The following ZNF66 variants were observed in gnomAD, a reference collection of about 807,000 sequenced individuals.
The protein encoded by ZNF66 is zinc finger protein 66, also known as putative zinc finger protein 66.
In ZNF66, 32 loss-of-function variants were observed where a neutral mutation model predicts 35.2. The observed-to-expected ratio is 0.91, with a 90% CI of 0.69 to 1.22. ZNF66 has a LOEUF of 1.22. Ranked by LOEUF, ZNF66 falls within the 50% of genes most tolerant of loss-of-function variation. The pLI is 0.00. For missense variants in ZNF66, 666 were observed against 543.1 expected (o/e 1.23, Z -2.25); for synonymous variants, 231 against 181.3 (o/e 1.27, Z -2.20).
At position 20,805,995 on chromosome 19, in the gene ZNF66, G is replaced by T. The variant is rs764611883; in HGVS notation, c.395G>T (p.Gly132Val). Reference sequence around the variant, plus strand: ...AAAGTGCACAAAAGAGGTTATAATGGACTTAACCAATGTTTGACAACTACC... The same window carrying T: ...AAAGTGCACAAAAGAGGTTATAATGTACTTAACCAATGTTTGACAACTACC... The part of the protein sequence containing the change: ...KCKVHKRGYN[G>V]LNQCLTTTQS... The change falls in exon 4 of 4, where the codon GGA (glycine) becomes GTA (valine). Residue 132 changes from glycine to valine, a missense_variant. Coordinates refer to ENST00000344519, the MANE Select transcript of ZNF66 (RefSeq NM_001355197.2). 6 of 791,290 alleles carry T rather than the reference G, an allele frequency of 7.6e-6. No homozygotes were observed. The highest frequency in any genetic ancestry group is 2.2e-6 in the Non-Finnish European group (1 of 452,738). The allele number at this position is 791,290 out of a possible 1,614,324, so 49.0% of individuals were successfully genotyped here. A position where few individuals can be genotyped will look rare whatever the true frequency, so the allele number is the denominator to read the frequency against.
intron 3 of ZNF66, among the ~76,000 whole-genome samples, chr19:20,799,606 A>C (rs1971429260): frequency 6.6e-6 from 1 of 152,094 alleles, no homozygotes. Context: ...TTTTATTTAA[A>C]ATATATTATT....
At chr19:20,780,001 C>T (rs10414513) in intron 1 of ZNF66, among the ~76,000 whole-genome samples, 14,020 of 151,334 alleles carry the variant, frequency 0.093, 662 homozygotes, top group Middle Eastern at 0.11. Context: ...ATCCCAGCTA[C>T]TTGGGAGGCT....
At position 20,779,330 on chromosome 19, in the gene ZNF66, A is replaced by AT. The variant is rs528927544; in HGVS notation, c.3+2880_3+2881insT. 5.3e-5 allele frequency among the ~76,000 whole-genome samples: 8 copies of AT among 152,288 alleles called. No individual in the cohort carries two copies. In the South Asian group the frequency reaches 1.7e-3, roughly 32 times the overall value. ...GGGCTTTCTTTTTTAGGGAGAGGTA[A>AT]ACAAGATAAGAAAGGAGGTGGGAGG... is the stretch of plus-strand genomic sequence containing the variant. On this transcript the variant is annotated intron_variant, in intron 1 of 3. Coordinates refer to ENST00000344519, the MANE Select transcript of ZNF66 (RefSeq NM_001355197.2).
At chr19:20,801,143 T>TA (rs1971443859) in intron 3 of ZNF66, among the ~76,000 whole-genome samples, 2 of 151,850 alleles carry the variant, frequency 1.3e-5, no homozygotes, top group South Asian at 4.2e-4. Flanking sequence ...CTAATATAAT[T>TA]ATGACCACCT....
chr19:20,808,179 G>C lies in ZNF66; in HGVS notation c.*857G>C, dbSNP rs1048392832. On this transcript the variant is annotated 3_prime_UTR_variant, in exon 4 of 4. Coordinates refer to ENST00000344519, the MANE Select transcript of ZNF66 (RefSeq NM_001355197.2). The stretch of plus-strand genomic sequence containing the variant: ...GGGGAGGAGCGCCTGCCATTGCCCA[G>C]GCTTGCTTAGGTAAAGCAGCTGGGA... Among the ~76,000 whole-genome samples the C allele has an allele frequency of 6.6e-6, 1 of 152,214 alleles. No individual in the cohort carries two copies. The highest frequency in any genetic ancestry group is 2.4e-5 in the African/African-American group (1 of 41,470).
At chr19:20,793,936 A>G (rs1808542) in intron 3 of ZNF66, 58 bp downstream of exon 3, 541,207 of 818,858 alleles carry the variant, frequency 0.66, 179,989 homozygotes, top group Non-Finnish European at 0.68. Context: ...CAAGGTCAAA[A>G]AGAAAGCCAG....
At chr19:20,797,449 G>A (rs1480701976) in intron 3 of ZNF66, among the ~76,000 whole-genome samples, 2 of 148,816 alleles carry the variant, frequency 1.3e-5, no homozygotes, top group African/African-American at 2.5e-5. Context: ...CTCGTGATCC[G>A]CCCGCCTCGG....
chr19:20,784,475 T>C (rs536841991), intron 1 of ZNF66: 1 of 152,282 alleles, frequency 6.6e-6, no homozygotes, highest in South Asian at 2.1e-4. Flanking sequence ...TATGTTCCTA[T>C]TACAGGACAG....
intron 1 of ZNF66, among the ~76,000 whole-genome samples, chr19:20,787,615 T>C (rs1301447497): frequency 3.9e-5 from 6 of 152,190 alleles, no homozygotes; most frequent in Non-Finnish European, 7.3e-5. Flanking sequence ...ATTTTTCACA[T>C]CTTGTTCATT....
In ZNF66 at chr19:20,807,307, T is replaced by C; in HGVS notation, c.1707T>C (p.Asn569=). Reference sequence around the variant, plus strand: ...GAGGGAATCCCTACAAATGTGAAAATGTGGCAAAGCCTTAGACACTCCTCT... The same window carrying C: ...GAGGGAATCCCTACAAATGTGAAAACGTGGCAAAGCCTTAGACACTCCTCT... ...HMGGNPYKCE[N]VAKP The change falls in exon 4 of 4, where the codon AAT becomes AAC. Residue 569 remains asparagine (N), a synonymous_variant. Coordinates refer to ENST00000344519, the MANE Select transcript of ZNF66 (RefSeq NM_001355197.2). 2 of 651,532 alleles carry C rather than the reference T, an allele frequency of 3.1e-6. No individual in the cohort carries two copies. The highest frequency in any genetic ancestry group is 5.5e-6 in the Non-Finnish European group (2 of 361,688). The allele number at this position is 651,532 out of a possible 1,614,324, so 40.4% of individuals were successfully genotyped here. A position where few individuals can be genotyped will look rare whatever the true frequency, so the allele number is the denominator to read the frequency against.
At chr19:20,778,137 C>A (rs7259970) in intron 1 of ZNF66, among the ~76,000 whole-genome samples, 1 of 152,042 alleles carries the variant, frequency 6.6e-6, no homozygotes, top group African/African-American at 2.4e-5. Flanking sequence ...AGTCTCACTC[C>A]GTCACCAGGT....
intron 1 of ZNF66, among the ~76,000 whole-genome samples, chr19:20,778,276 GTTT>G (rs1260248990): frequency 1.3e-5 from 2 of 151,800 alleles, no homozygotes; most frequent in Non-Finnish European, 2.9e-5. Context: ...ATTTTTTTGT[GTTT>G]TTAGTAGAGA....
chr19:20,791,681 T>C (rs1568496195), intron 1 of ZNF66, among the ~76,000 whole-genome samples: 1 of 152,130 alleles, frequency 6.6e-6, no homozygotes, highest in Non-Finnish European at 1.5e-5. Context: ...TGATTCTTTT[T>C]GATTACATTC....
intron 3 of ZNF66, among the ~76,000 whole-genome samples, chr19:20,804,789 G>A (rs929456467): frequency 1.3e-5 from 2 of 152,104 alleles, no homozygotes; most frequent in African/African-American, 2.4e-5. Flanking sequence ...CATGTTTTTA[G>A]GATGTGTCTT....
At chr19:20,800,343 C>A (rs1397321288) in intron 3 of ZNF66, among the ~76,000 whole-genome samples, 3 of 152,158 alleles carry the variant, frequency 2.0e-5, no homozygotes, top group Non-Finnish European at 4.4e-5. Flanking sequence ...TGTGTCCTAA[C>A]AGAATACACC....
chr19:20,776,598 C>A, intron 1 of ZNF66, 148 bp downstream of exon 1: 1 of 1,161,140 alleles, frequency 8.6e-7, no homozygotes, highest in South Asian at 1.4e-5. Flanking sequence ...GGCGGCTACG[C>A]TGACAGCCTG....
intron 3 of ZNF66, 131 bp from the exon 4 acceptor site, chr19:20,805,696 A>T: frequency 2.4e-6 from 1 of 424,506 alleles, no homozygotes. Context: ...GTCCAGGAAG[A>T]AATTACAGCT....
At chr19:20,777,639 A>ATTATTT (rs1568492677) in intron 1 of ZNF66, among the ~76,000 whole-genome samples, 2 of 151,300 alleles carry the variant, frequency 1.3e-5, no homozygotes, top group South Asian at 2.1e-4. Context: ...TATTATTATT[A>ATTATTT]TTTTTTGAGA....
In ZNF66 at chr19:20,807,479, G is replaced by A. The variant is rs974269459; in HGVS notation, c.*157G>A. ...CTACAAATATAAAGAATGTGACAAAGCTTTTAGGAAGTTCTCAACCCTTAT... is the reference window on the plus strand; with the variant it reads ...CTACAAATATAAAGAATGTGACAAAACTTTTAGGAAGTTCTCAACCCTTAT... On this transcript the variant is annotated 3_prime_UTR_variant, in exon 4 of 4. Coordinates refer to ENST00000344519, the MANE Select transcript of ZNF66 (RefSeq NM_001355197.2). Among the ~76,000 whole-genome samples, 7 of 151,826 alleles carry A rather than the reference G, an allele frequency of 4.6e-5. No homozygotes were observed. The highest frequency in any genetic ancestry group is 7.4e-5 in the Non-Finnish European group (5 of 68,000).
Sources: allele counts gnomAD v4.1 joint callset (sites outside exome capture counted in the v4.1 genomes callset), GRCh38; gene constraint gnomAD v4.1.1; transcripts MANE v1.5; gene names NCBI Gene and HGNC (gene_info 2026-07-23, HGNC 2026-07-21).